NAA10: variants seen among roughly 807,000 people sequenced by gnomAD.
The protein encoded by NAA10 is N-alpha-acetyltransferase 10, NatA catalytic subunit, also known as N-alpha-acetyltransferase 10.
A neutral mutation model predicts 19.2 loss-of-function variants in NAA10; 6 were observed. The ratio of observed to expected loss-of-function variants is 0.31; its 90% CI spans 0.17 to 0.62. NAA10 has a LOEUF of 0.62. Ranked by LOEUF, NAA10 falls within the 20% of genes least tolerant of loss-of-function variation. The pLI, the probability that NAA10 is intolerant of heterozygous loss-of-function variation, is 0.83. For synonymous variants in NAA10, 97 were observed against 79.9 expected, an observed-to-expected ratio of 1.21 and a Z score of -1.14; for missense variants, 101 against 198.4, an observed-to-expected ratio of 0.51 and a Z score of 2.95.
At chrX:153,931,673 T>G in intron 6 of NAA10, 1 of 881,187 alleles carries the variant, frequency 1.1e-6, no homozygotes, top group Non-Finnish European at 1.4e-6. Context: ...ATGTGCATTC[T>G]CCTCGATTCT....
chrX:153,934,312 A>G (rs2065184087), intron 2 of NAA10, 65 bp downstream of exon 2: 1 of 967,234 alleles, frequency 1.0e-6, no homozygotes. Context: ...CACTCCCTCC[A>G]AGATGGCCAG....
intron 6 of NAA10, chrX:153,931,684 G>T: frequency 1.1e-6 from 1 of 899,102 alleles, no homozygotes; most frequent in Non-Finnish European, 1.4e-6. Context: ...CCTCGATTCT[G>T]CTCTCTCTTG....
Position 153,933,869 on chromosome X carries a change from A to G in NAA10, c.179+74T>C. On this transcript the variant is annotated intron_variant, in intron 3 of 7. Coordinates refer to ENST00000464845, the MANE Select transcript of NAA10 (RefSeq NM_003491.4). ...CAACTGTACTGAAAAGAAGAAGCCT[A>G]TTCATTTTTTTTAAAGCCCACAGAG... 3.4e-6 allele frequency: 3 copies of G among 893,223 alleles called. No individual in the cohort carries two copies. In the Admixed American group the frequency reaches 7.2e-5, roughly 22 times the overall value. 73.6% of individuals were successfully genotyped at this position (893,223 alleles called of 1,213,427 possible). A position where few individuals can be genotyped will look rare whatever the true frequency, so the allele number is the denominator to read the frequency against.
chrX:153,929,633 G>C lies in NAA10; in HGVS notation c.*354C>G, dbSNP rs1443082266. The C allele has an allele frequency of 5.5e-5, 14 of 256,770 alleles. No individual in the cohort carries two copies. In the East Asian group the frequency reaches 1.1e-3, roughly 19 times the overall value. The allele number at this position is 256,770 out of a possible 1,213,427, so 21.2% of individuals were successfully genotyped here. On this transcript the variant is annotated 3_prime_UTR_variant, in exon 8 of 8. Transcript: ENST00000464845. The stretch of plus-strand genomic sequence containing the variant: ...GAGAACTGAAGGCCACCAAGAGTGG[G>C]AGCCCTGCTGTTGAGCTTTGAGCCT...
intron 3 of NAA10, 100 bp from the exon 4 acceptor site, chrX:153,932,684 C>A: frequency 1.3e-6 from 1 of 798,712 alleles, no homozygotes; most frequent in Non-Finnish European, 1.9e-6. Context: ...CTACAGCCCC[C>A]TAAGACCCCA....
At chrX:153,932,956 C>T (rs1463892764) in intron 3 of NAA10, 1 of 239,527 alleles carries the variant, frequency 4.2e-6, no homozygotes, top group Non-Finnish European at 7.6e-6. Flanking sequence ...GGGAGGCAGA[C>T]ATGAGAGGAT....
chrX:153,930,252 G>A lies in NAA10; in HGVS notation c.472-29C>T, dbSNP rs782671673. 5.2e-6 allele frequency: 6 copies of A among 1,164,383 alleles called. No individual in the cohort carries two copies. The South Asian group carries it at 7.2e-5, about 14-fold the overall frequency. The stretch of plus-strand genomic sequence containing the variant: ...CCACCAGGAACCCAGGGAGAAGCGG[G>A]GGCAAAGAGACAGGGCCTAAGTTTC... On this transcript the variant is annotated intron_variant, in intron 7 of 7. Transcript: ENST00000464845.
intron 2 of NAA10, 114 bp from the exon 3 acceptor site, chrX:153,934,115 G>C: frequency 1.4e-6 from 1 of 727,303 alleles, no homozygotes; most frequent in Non-Finnish European, 2.2e-6. Flanking sequence ...CCTCCGGGCT[G>C]AGTGGCTTGG....
At chrX:153,932,666 G>A (rs1400680625) in intron 3 of NAA10, 82 bp from the exon 4 acceptor site, 1 of 910,714 alleles carries the variant, frequency 1.1e-6, no homozygotes, top group African/African-American at 2.0e-5. Flanking sequence ...TTGTAGAGTG[G>A]ACATGCACTA....
In NAA10 at chrX:153,929,812, T is replaced by C. The variant is rs1603289736; in HGVS notation, c.*175A>G. The C allele has an allele frequency of 4.1e-5, 19 of 460,839 alleles. No individual in the cohort carries two copies. The South Asian group carries it at 5.1e-4, about 12-fold the overall frequency. The allele number at this position is 460,839 out of a possible 1,213,427, so 38.0% of individuals were successfully genotyped here. On this transcript the variant is annotated 3_prime_UTR_variant, in exon 8 of 8. Coordinates refer to ENST00000464845, the MANE Select transcript of NAA10 (RefSeq NM_003491.4). ...AGTCCCACCTCCAAAGCTCTTTCCT[T>C]GTACTCGGGCCTGGCAGGATGCTCT...
intron 3 of NAA10, chrX:153,932,897 C>A (rs1015000007): frequency 1.8e-5 from 6 of 333,482 alleles, no homozygotes; most frequent in South Asian, 1.2e-4. Flanking sequence ...AAAAAAAAAT[C>A]AAAAAATTAG....
chrX:153,931,807 C>G, intron 6 of NAA10: 1 of 1,079,009 alleles, frequency 9.3e-7, no homozygotes. Context: ...GTGCCCTTCG[C>G]CAGCCTCAGC....
intron 6 of NAA10, chrX:153,931,474 C>T: frequency 1.2e-6 from 1 of 807,009 alleles, no homozygotes; most frequent in Non-Finnish European, 1.5e-6. Context: ...ACCAAACGGG[C>T]TGAGTGCAGT....
At position 153,934,240 on chromosome X, in the gene NAA10, C is replaced by A. The variant is rs193267678; in HGVS notation, c.120+137G>T. 11 of 610,112 alleles carry A rather than the reference C, an allele frequency of 1.8e-5. No homozygotes were observed. The Admixed American group carries it at 3.0e-4, about 16-fold the overall frequency. The allele number at this position is 610,112 out of a possible 1,213,427, so 50.3% of individuals were successfully genotyped here. A position where few individuals can be genotyped will look rare whatever the true frequency, so the allele number is the denominator to read the frequency against. On this transcript the variant is annotated intron_variant, in intron 2 of 7. Transcript: ENST00000464845. ...CCTTCTTTTCCTTTGCCCCTGTCTG[C>A]CAGCTGAAAACACCCAGGACGCCAC...
chrX:153,930,098 G>A lies in NAA10; in HGVS notation c.597C>T (p.Gly199=), dbSNP rs1207021001. The A allele has an allele frequency of 8.3e-7, 1 of 1,208,716 alleles. No homozygotes were observed. The highest frequency in any genetic ancestry group is 1.1e-6 in the Non-Finnish European group (1 of 894,787). Reference sequence around the variant, plus strand: ...CCCCACCACTATCCTCGGCAGCCAGGCCCTTCTCCTCGCGACAGGCCTCTC... The same window carrying A: ...CCCCACCACTATCCTCGGCAGCCAGACCCTTCTCCTCGCGACAGGCCTCTC... ...SSGEACREEK[G]LAAEDSGGDS... The change falls in exon 8 of 8, where the codon GGC becomes GGT. Residue 199 remains glycine (G), a synonymous_variant. Coordinates refer to ENST00000464845, the MANE Select transcript of NAA10 (RefSeq NM_003491.4).
At chrX:153,934,111 G>A in intron 2 of NAA10, 110 bp from the exon 3 acceptor site, 2 of 751,054 alleles carry the variant, frequency 2.7e-6, no homozygotes, top group Admixed American at 2.2e-5. Context: ...ATGACCTCCG[G>A]GCTGAGTGGC....
intron 6 of NAA10, chrX:153,931,381 G>A (rs782443940): frequency 8.5e-6 from 7 of 823,900 alleles, no homozygotes; most frequent in African/African-American, 2.2e-5. Context: ...ACCAGACATC[G>A]TCATCTGGGT....
At chrX:153,934,319 C>A in intron 2 of NAA10, 58 bp downstream of exon 2, 1 of 995,620 alleles carries the variant, frequency 1.0e-6, no homozygotes, top group Non-Finnish European at 1.4e-6. Context: ...TCCAAGATGG[C>A]CAGATGGGAT....
chrX:153,930,206 C>T lies in NAA10; in HGVS notation c.489G>A (p.Glu163=), dbSNP rs2065158374. 8.3e-7 allele frequency: 1 copy of T among 1,208,914 alleles called. No homozygotes were observed. The highest frequency in any genetic ancestry group is 2.2e-5 in the Admixed American group (1 of 45,805). ...QMADELRRHL[E]LKEKGRHVVL... is the part of the protein sequence containing the mutation. ...CCACGTGCCTGCCCTTCTCTTTCAGCTCCAGGTGCCGCCTCAGCTGCCACC... is the reference window on the plus strand; with the variant it reads ...CCACGTGCCTGCCCTTCTCTTTCAGTTCCAGGTGCCGCCTCAGCTGCCACC... The change falls in exon 8 of 8, where the codon GAG becomes GAA. Residue 163 remains glutamate, a synonymous_variant. Coordinates refer to ENST00000464845, the MANE Select transcript of NAA10 (RefSeq NM_003491.4).
Sources: gnomAD v4.1 joint callset for allele counts on GRCh38, gnomAD v4.1.1 for gene constraint, MANE v1.5 for transcripts, NCBI Gene and HGNC (gene_info 2026-07-23, HGNC 2026-07-21) for gene names.